Variants in SRRM4 observed in about 807,000 individuals in gnomAD.
SRRM4 encodes the protein serine/arginine repetitive matrix protein 4.
A neutral mutation model predicts 68.9 loss-of-function variants in SRRM4; 33 were observed. The ratio of observed to expected loss-of-function variants is 0.48; its 90% CI spans 0.36 to 0.64. SRRM4 has a LOEUF of 0.64. Ranked by LOEUF, SRRM4 falls within the 30% of genes least tolerant of loss-of-function variation. The pLI is 0.00. For synonymous variants in SRRM4, 318 were observed against 318.8 expected (o/e 1.00, Z 0.03); for missense variants, 817 against 827.1 (o/e 0.99, Z 0.15).
intron 1 of SRRM4, among the ~76,000 whole-genome samples, chr12:119,082,386 G>A (rs1173041054): frequency 6.6e-6 from 1 of 152,178 alleles, no homozygotes; most frequent in East Asian, 1.9e-4. Flanking sequence ...TTGGGAAAAT[G>A]TGGACCTGTA....
In SRRM4 at chr12:119,120,232, T is replaced by C. The variant is rs756308444; in HGVS notation, c.438-18T>C. The stretch of plus-strand genomic sequence containing the variant: ...TCTTTGATTCTTCTTTTCATTTTTT[T>C]TCTTTCTTTCTTTTCAGGTCATTCT... On this transcript the variant is annotated intron_variant, in intron 4 of 12. Transcript: ENST00000267260. 3.3e-6 allele frequency: 5 copies of C among 1,531,402 alleles called. No homozygotes were observed. The African/African-American group carries it at 5.5e-5, about 17-fold the overall frequency. The allele number at this position is 1,531,402 out of a possible 1,614,324, so 94.9% of individuals were successfully genotyped here. A position where few individuals can be genotyped will look rare whatever the true frequency, so the allele number is the denominator to read the frequency against.
At chr12:119,055,033 G>GCCAC (rs1457973545) in intron 1 of SRRM4, among the ~76,000 whole-genome samples, 1 of 152,066 alleles carries the variant, frequency 6.6e-6, no homozygotes, top group Non-Finnish European at 1.5e-5. Context: ...CTGGAGTGAA[G>GCCAC]CCACCTCTGC....
intron 3 of SRRM4, among the ~76,000 whole-genome samples, chr12:119,116,614 T>G (rs573912647): frequency 6.6e-6 from 1 of 152,262 alleles, no homozygotes; most frequent in South Asian, 2.1e-4. Context: ...CTGAACTTCA[T>G]TTTCTTTGTC....
chr12:119,130,980 C>A, intron 8 of SRRM4, 146 bp downstream of exon 8: 1 of 911,314 alleles, frequency 1.1e-6, no homozygotes, highest in East Asian at 3.1e-5. Flanking sequence ...TAATGATGAA[C>A]CAAATGATCA....
At chr12:118,996,893 C>T (rs1278731267) in intron 1 of SRRM4, among the ~76,000 whole-genome samples, 1 of 152,180 alleles carries the variant, frequency 6.6e-6, no homozygotes, top group African/African-American at 2.4e-5. Context: ...TAGGTGATTA[C>T]TTCAGTGGAA....
chr12:119,092,305 G>A (rs75284416), intron 1 of SRRM4, among the ~76,000 whole-genome samples: 6,258 of 152,114 alleles, frequency 0.041, 208 homozygotes, highest in East Asian at 0.097. Context: ...TCTCTCAAAC[G>A]CATTTCCCTA....
intron 1 of SRRM4, chr12:119,037,053 A>T (rs575253979): frequency 6.6e-6 from 1 of 152,296 alleles, no homozygotes; most frequent in Admixed American, 6.5e-5. Context: ...AGGCGATATC[A>T]AACACAAGAC....
At chr12:119,135,266 G>A (rs1212971209) in intron 8 of SRRM4, among the ~76,000 whole-genome samples, 7 of 152,134 alleles carry the variant, frequency 4.6e-5, no homozygotes, top group African/African-American at 1.7e-4. Flanking sequence ...TCTCTATCAA[G>A]TCTATCATAA....
Position 119,157,070 on chromosome 12 carries a change from G to C in SRRM4, c.*272G>C. ...TGGCACAAAAAAAGAAGAAAGAAAAGAAAACTTCAAGGTTTTGTGAGAAGC... is the reference window on the plus strand; with the variant it reads ...TGGCACAAAAAAAGAAGAAAGAAAACAAAACTTCAAGGTTTTGTGAGAAGC... On this transcript the variant is annotated 3_prime_UTR_variant, in exon 13 of 13. Transcript: ENST00000267260. The surrounding 1 kb of genome is among the most constrained non-coding windows in gnomAD (Gnocchi z 4.1). 5 of 451,890 alleles carry C rather than the reference G, an allele frequency of 1.1e-5. No individual in the cohort carries two copies. Among genetic ancestry groups the C allele is most frequent in the Non-Finnish European group, 7.7e-6 (2 of 260,910 alleles). 28.0% of individuals were successfully genotyped at this position (451,890 alleles called of 1,614,324 possible).
chr12:119,113,298 AAAC>A (rs1444866545), intron 2 of SRRM4, among the ~76,000 whole-genome samples: 1 of 152,236 alleles, frequency 6.6e-6, no homozygotes, highest in Middle Eastern at 3.2e-3. Flanking sequence ...TTGGCCACAC[AAAC>A]AAGTTTGAGA....
At chr12:119,084,669 T>C (rs1592892254) in intron 1 of SRRM4, among the ~76,000 whole-genome samples, 2 of 152,078 alleles carry the variant, frequency 1.3e-5, no homozygotes, top group South Asian at 2.1e-4. Flanking sequence ...GTGCTGAGGA[T>C]AAAATGGAGC....
chr12:119,040,962 G>A (rs1272757874), intron 1 of SRRM4, among the ~76,000 whole-genome samples: 1 of 151,768 alleles, frequency 6.6e-6, no homozygotes, highest in Non-Finnish European at 1.5e-5. Context: ...TCACCATGCT[G>A]GCCAGGCCGG....
chr12:119,144,279 T>C (rs1461942299), intron 8 of SRRM4, among the ~76,000 whole-genome samples: 1 of 152,174 alleles, frequency 6.6e-6, no homozygotes, highest in African/African-American at 2.4e-5. Flanking sequence ...CACTGGCATG[T>C]TCCACAAGGG....
At chr12:119,081,236 C>T (rs749785415) in intron 1 of SRRM4, among the ~76,000 whole-genome samples, 1 of 152,060 alleles carries the variant, frequency 6.6e-6, no homozygotes, top group Non-Finnish European at 1.5e-5. Context: ...ATACTATAGA[C>T]AGAAATAAAG....
chr12:119,125,553 T>C, intron 7 of SRRM4, 74 bp downstream of exon 7: 1 of 1,308,246 alleles, frequency 7.6e-7, no homozygotes, highest in Non-Finnish European at 1.1e-6. Flanking sequence ...AACACTAGCT[T>C]CGCCTCCACA....
intron 6 of SRRM4, 78 bp downstream of exon 6, chr12:119,122,198 G>T: frequency 1.0e-6 from 1 of 989,310 alleles, no homozygotes. Context: ...CAGAGTCTTA[G>T]AGTTGCCAAA....
At chr12:119,068,614 T>A (rs1436930154) in intron 1 of SRRM4, among the ~76,000 whole-genome samples, 1 of 152,110 alleles carries the variant, frequency 6.6e-6, no homozygotes, top group Admixed American at 6.5e-5. Context: ...TTTAGATATT[T>A]ATCTCCCATG....
chr12:119,047,662 T>G (rs771176566), intron 1 of SRRM4, among the ~76,000 whole-genome samples: 2 of 152,232 alleles, frequency 1.3e-5, no homozygotes, highest in Non-Finnish European at 2.9e-5. Context: ...CTGTTTCACA[T>G]GCACTCATTT....
At chr12:119,147,342 T>G (rs1954409838) in intron 9 of SRRM4, among the ~76,000 whole-genome samples, 1 of 152,048 alleles carries the variant, frequency 6.6e-6, no homozygotes, top group Non-Finnish European at 1.5e-5. Context: ...CACAGAGGAT[T>G]TTTAGGGCAA....
Sources: gnomAD v4.1 joint callset for allele counts (sites outside exome capture counted in the v4.1 genomes callset) on GRCh38, gnomAD v4.1.1 for gene constraint, Gnocchi (gnomAD v3.1) non-coding constraint, MANE v1.5 for transcripts, NCBI Gene and HGNC (gene_info 2026-07-23, HGNC 2026-07-21) for gene names.